Variants in TJP1 observed in about 807,000 individuals in gnomAD.
TJP1 encodes the protein tight junction protein 1.
Under a neutral mutation model 194.2 loss-of-function variants are expected in TJP1, and 43 were observed. The ratio of observed to expected loss-of-function variants is 0.22; its 90% CI spans 0.17 to 0.29. TJP1 has a LOEUF of 0.29. TJP1 is among the 10% of genes least tolerant of loss of function. The pLI, the probability that TJP1 is intolerant of heterozygous loss-of-function variation, is 1.00. For synonymous variants in TJP1, 801 were observed against 779.0 expected (o/e 1.03, Z -0.47); for missense variants, 1,971 against 2,185.7 (o/e 0.90, Z 1.96).
intron 2 of TJP1, among the ~76,000 whole-genome samples, chr15:29,857,319 T>C (rs2051896393): frequency 6.6e-6 from 1 of 151,844 alleles, no homozygotes; most frequent in Non-Finnish European, 1.5e-5. Context: ...GATGTTTCTA[T>C]TTACATATCT....
intron 11 of TJP1, among the ~76,000 whole-genome samples, chr15:29,736,250 GA>G (rs1178761930): frequency 6.6e-6 from 1 of 152,142 alleles, no homozygotes; most frequent in East Asian, 1.9e-4. Flanking sequence ...TGATTGAAAA[GA>G]AAACAGGCAA....
intron 1 of TJP1, among the ~76,000 whole-genome samples, chr15:29,960,411 T>C (rs2056110072): frequency 6.6e-6 from 1 of 151,880 alleles, no homozygotes; most frequent in Non-Finnish European, 1.5e-5. Flanking sequence ...GACATGAGGA[T>C]CTCTTGAGCC....
At chr15:29,906,468 AAAATAAATAAATAAATAAAT>A (rs71103415) in intron 2 of TJP1, among the ~76,000 whole-genome samples, 5 of 138,910 alleles carry the variant, frequency 3.6e-5, no homozygotes, top group African/African-American at 1.1e-4. Flanking sequence ...ACTCCGTCTC[AAAATAAATAAATAAATAAAT>A]AAATAAATAA....
chr15:29,851,956 C>A (rs1416498908), intron 2 of TJP1, among the ~76,000 whole-genome samples: 1 of 152,188 alleles, frequency 6.6e-6, no homozygotes, highest in Non-Finnish European at 1.5e-5. Context: ...TGGATCTAAA[C>A]CTCATGCCTT....
chr15:29,920,927 G>A (rs891526353), intron 2 of TJP1, among the ~76,000 whole-genome samples: 1 of 152,176 alleles, frequency 6.6e-6, no homozygotes, highest in Non-Finnish European at 1.5e-5. Context: ...GGGAAACACA[G>A]TGGTGCCTGC....
chr15:29,802,848 C>G (rs1386660897), intron 1 of TJP1, among the ~76,000 whole-genome samples: 1 of 152,082 alleles, frequency 6.6e-6, no homozygotes, highest in Admixed American at 6.6e-5. Flanking sequence ...TCCTATCAGT[C>G]CAAATGGCAA....
chr15:29,945,190 C>G (rs1172508447), intron 2 of TJP1, among the ~76,000 whole-genome samples: 2 of 152,194 alleles, frequency 1.3e-5, no homozygotes, highest in Non-Finnish European at 2.9e-5. Flanking sequence ...CAAAATGTCC[C>G]CAAGACCAAA....
At chr15:29,761,317 C>T in intron 7 of TJP1, 31 bp from the exon 8 acceptor site, 1 of 1,611,794 alleles carries the variant, frequency 6.2e-7, no homozygotes, top group Admixed American at 1.7e-5. Flanking sequence ...CTTATTTTCC[C>T]ACAAAAATAA....
At chr15:29,761,110 G>C in intron 8 of TJP1, 29 bp downstream of exon 8, 2 of 1,558,046 alleles carry the variant, frequency 1.3e-6, no homozygotes, top group African/African-American at 2.8e-5. Flanking sequence ...CAAAACCCCT[G>C]TATTTTTTAA....
Position 29,701,680 on chromosome 15 carries a change from T to G in TJP1, c.5222A>C (p.Lys1741Thr). The G allele has an allele frequency of 3.1e-6, 5 of 1,613,966 alleles. No individual in the cohort carries two copies. Among genetic ancestry groups the G allele is most frequent in the Non-Finnish European group, 4.2e-6 (5 of 1,179,842 alleles). ...GGGAAGACACTTGTTTTGCCAGGTT[T>G]TAGGATCACCTATGAGAGAAAAGAA... ...KSSDSSSGDP[K>T]TWQNKCLPGD... Residue 1741 changes from lysine (K) to threonine (T), a missense_variant, in exon 28 of 28, where the codon AAA becomes ACA. Physicochemically the swap from Lys to Thr is moderately conservative, Grantham distance 78. Around this residue, in one of 5 missense-constraint regions of TJP1, gnomAD observed 1,108 missense variants for 1,128.5 expected, o/e 0.98. Coordinates refer to ENST00000614355, the MANE Select transcript of TJP1 (RefSeq NM_001330239.4).
In TJP1 at chr15:29,704,323, G is replaced by A. The variant is rs983920159; in HGVS notation, c.5069-18C>T. ...TGTTTCACCTGGAGTTGGAAAAGGG[G>A]ATAGGCAGAGAGGATGGATGTGGTC... On this transcript the variant is annotated intron_variant, in intron 26 of 27. Transcript: ENST00000614355. 2 of 1,573,944 alleles carry A rather than the reference G, an allele frequency of 1.3e-6. No homozygotes were observed. Among genetic ancestry groups the A allele is most frequent in the East Asian group, 4.6e-5 (2 of 43,714 alleles).
intron 26 of TJP1, 129 bp from the exon 27 acceptor site, chr15:29,704,434 G>T (rs982374869): frequency 1.8e-6 from 2 of 1,084,934 alleles, no homozygotes; most frequent in South Asian, 3.1e-5. Flanking sequence ...CAGTCGCACT[G>T]ACCACAAAAA....
At chr15:29,715,934 G>T (rs545766856) in intron 23 of TJP1, among the ~76,000 whole-genome samples, 2 of 152,158 alleles carry the variant, frequency 1.3e-5, no homozygotes, top group Non-Finnish European at 2.9e-5. Context: ...CTGTGTGCCC[G>T]TGTGGGCTTA....
At chr15:29,806,865 CCCAAAATAGAAATGT>C (rs555668448) in intron 1 of TJP1, among the ~76,000 whole-genome samples, 192 of 152,032 alleles carry the variant, frequency 1.3e-3, no homozygotes, top group Middle Eastern at 3.4e-3. Flanking sequence ...CATTTAAATT[CCCAAAATAGAAATGT>C]CCAGGAGGTA....
chr15:29,710,232 A>T (rs1336598147), intron 24 of TJP1, among the ~76,000 whole-genome samples: 1 of 152,062 alleles, frequency 6.6e-6, no homozygotes, highest in East Asian at 1.9e-4. Flanking sequence ...GGCATGTGTG[A>T]AAAAAAATCT....
intron 26 of TJP1, among the ~76,000 whole-genome samples, chr15:29,705,302 ATTT>A (rs774984612): frequency 6.6e-6 from 1 of 152,292 alleles, no homozygotes; most frequent in South Asian, 2.1e-4. Flanking sequence ...CTATGCCATC[ATTT>A]TTTATTTCAC....
chr15:29,822,839 G>A (rs954724403), upstream of TJP1: 1 of 152,294 alleles, frequency 6.6e-6, no homozygotes, highest in South Asian at 2.1e-4. Context: ...CGGCAGAGCC[G>A]ATACCCGACA....
At chr15:29,764,901 G>C (rs1433164732) in intron 5 of TJP1, among the ~76,000 whole-genome samples, 1 of 152,092 alleles carries the variant, frequency 6.6e-6, no homozygotes, top group South Asian at 2.1e-4. Flanking sequence ...TGGAAGCAGG[G>C]GAGCAGATGA....
intron 2 of TJP1, among the ~76,000 whole-genome samples, chr15:29,943,997 C>T (rs991435649): frequency 2.0e-5 from 3 of 151,938 alleles, no homozygotes; most frequent in East Asian, 1.9e-4. Context: ...AAATTTTCTA[C>T]CTGTTAAGGT....
Sources: gnomAD v4.1 joint callset for allele counts (sites outside exome capture counted in the v4.1 genomes callset) on GRCh38, gnomAD v4.1.1 for gene constraint, gnomAD v4.1.1 regional missense constraint, MANE v1.5 for transcripts, NCBI Gene and HGNC (gene_info 2026-07-23, HGNC 2026-07-21) for gene names.